The following CEP128 variants were observed in gnomAD, a reference collection of about 807,000 sequenced individuals.
The protein encoded by CEP128 is centrosomal protein 128.
In CEP128, 132 loss-of-function variants were observed where a neutral mutation model predicts 156.7. That is an observed-to-expected ratio of 0.84 (90% confidence interval 0.73 to 0.97). The LOEUF is 0.97. CEP128 is among the 50% of genes least tolerant of loss of function. The pLI, the probability that CEP128 is intolerant of heterozygous loss-of-function variation, is 0.00. For synonymous variants in CEP128, 469 were observed against 448.9 expected, an observed-to-expected ratio of 1.04 and a Z score of -0.57; for missense variants, 1,252 against 1,281.9, an observed-to-expected ratio of 0.98 and a Z score of 0.36.
intron 19 of CEP128, among the ~76,000 whole-genome samples, chr14:80,706,737 C>T (rs986082665): frequency 1.3e-5 from 2 of 152,096 alleles, no homozygotes; most frequent in Non-Finnish European, 2.9e-5. Flanking sequence ...TTCAGCACAA[C>T]CTTCTCCTCT....
At chr14:80,581,284 T>C (rs939849242) in intron 19 of CEP128, among the ~76,000 whole-genome samples, 1 of 152,186 alleles carries the variant, frequency 6.6e-6, no homozygotes, top group African/African-American at 2.4e-5. Flanking sequence ...AATATGAGTA[T>C]TTGCCTTACT....
chr14:80,615,311 G>C (rs1893163726), intron 19 of CEP128, among the ~76,000 whole-genome samples: 1 of 152,132 alleles, frequency 6.6e-6, no homozygotes, highest in African/African-American at 2.4e-5. Context: ...GAATGATAAG[G>C]GTCCACTATG....
chr14:80,535,500 G>C (rs144003975), intron 21 of CEP128, among the ~76,000 whole-genome samples: 9 of 152,312 alleles, frequency 5.9e-5, no homozygotes, highest in Admixed American at 5.9e-4. Flanking sequence ...TGGAAGAAAA[G>C]TTTTAAGATG....
At chr14:80,761,258 G>A (rs1016247568) in intron 17 of CEP128, among the ~76,000 whole-genome samples, 179 bp downstream of exon 17, 5 of 145,356 alleles carry the variant, frequency 3.4e-5, no homozygotes, top group African/African-American at 7.7e-5. Context: ...AACATCATTC[G>A]TTCTCTCACC....
chr14:80,872,595 T>C (rs1320670858), intron 8 of CEP128, among the ~76,000 whole-genome samples: 3 of 152,222 alleles, frequency 2.0e-5, no homozygotes, highest in Admixed American at 2.0e-4. Context: ...AGGGGCAGCA[T>C]TTATTTTCAC....
chr14:80,777,409 T>G (rs1640875497), intron 16 of CEP128, among the ~76,000 whole-genome samples: 1 of 152,210 alleles, frequency 6.6e-6, no homozygotes, highest in South Asian at 2.1e-4. Context: ...GCCAGCACCT[T>G]GATCTTGGAC....
chr14:80,678,624 C>G (rs550357362), intron 19 of CEP128, among the ~76,000 whole-genome samples: 1 of 152,300 alleles, frequency 6.6e-6, no homozygotes, highest in South Asian at 2.1e-4. Context: ...CAGCTGGTAA[C>G]AGTGAATGAA....
intron 19 of CEP128, among the ~76,000 whole-genome samples, chr14:80,639,630 T>C (rs999000896): frequency 3.9e-5 from 6 of 152,194 alleles, no homozygotes; most frequent in African/African-American, 1.4e-4. Context: ...ATAATTTGTC[T>C]AAAATTAACA....
intron 6 of CEP128, among the ~76,000 whole-genome samples, chr14:80,902,146 C>T (rs1044524088): frequency 6.6e-6 from 1 of 152,132 alleles, no homozygotes; most frequent in African/African-American, 2.4e-5. Flanking sequence ...TTTCCACTAT[C>T]GCATGCATCT....
At chr14:80,804,458 G>T (rs150127742) in intron 13 of CEP128, among the ~76,000 whole-genome samples, 1 of 152,148 alleles carries the variant, frequency 6.6e-6, no homozygotes, top group Non-Finnish European at 1.5e-5. Context: ...ATGATAGAAC[G>T]CCACTTGAAA....
chr14:80,853,997 A>C (rs542044381), intron 9 of CEP128, among the ~76,000 whole-genome samples: 1 of 151,904 alleles, frequency 6.6e-6, no homozygotes, highest in Non-Finnish European at 1.5e-5. Context: ...GGGGGGAAAG[A>C]GAGAAATCCC....
At chr14:80,729,107 G>GTGTGTC (rs2139512404) in intron 19 of CEP128, among the ~76,000 whole-genome samples, 1 of 72,870 alleles carries the variant, frequency 1.4e-5, no homozygotes, top group East Asian at 3.2e-4. Context: ...GTGTGTGTGT[G>GTGTGTC]TGTGTGTGTG....
chr14:80,598,534 G>A lies in CEP128; in HGVS notation c.2807-18111C>T, dbSNP rs1397465901. 3.3e-5 allele frequency among the ~76,000 whole-genome samples: 5 copies of A among 152,048 alleles called. No homozygotes were observed. The East Asian group carries it at 5.8e-4, about 18-fold the overall frequency. On this transcript the variant is annotated intron_variant, in intron 19 of 24. Transcript: ENST00000555265. ...ATTAGAAGACTCACATAGTAAAGAC[G>A]TCAGTTCTCTCCAAACTAATATGCA...
chr14:80,867,633 G>A (rs1408047432), intron 8 of CEP128, among the ~76,000 whole-genome samples: 1 of 151,430 alleles, frequency 6.6e-6, no homozygotes, highest in Non-Finnish European at 1.5e-5. Context: ...TGAGCTCAAA[G>A]ACAGGTCATT....
chr14:80,638,668 A>G (rs1323089642), intron 19 of CEP128, among the ~76,000 whole-genome samples: 2 of 152,212 alleles, frequency 1.3e-5, no homozygotes, highest in African/African-American at 4.8e-5. Flanking sequence ...GCGAATTCCA[A>G]CACGGTAGGG....
chr14:80,866,736 T>G (rs367809524), intron 8 of CEP128, among the ~76,000 whole-genome samples: 1 of 152,144 alleles, frequency 6.6e-6, no homozygotes, highest in Non-Finnish European at 1.5e-5. Flanking sequence ...CAGGGAAACA[T>G]GGTATCACTA....
At chr14:80,481,712 A>T (rs975611017) in intron 14 of CEP128, among the ~76,000 whole-genome samples, 2 of 152,356 alleles carry the variant, frequency 1.3e-5, no homozygotes, top group African/African-American at 4.8e-5. Flanking sequence ...ACAGTGACAG[A>T]CACAGCCAGG....
intron 19 of CEP128, among the ~76,000 whole-genome samples, chr14:80,601,519 G>A (rs1892581072): frequency 6.6e-6 from 1 of 152,082 alleles, no homozygotes; most frequent in Non-Finnish European, 1.5e-5. Flanking sequence ...AAGATGTCCT[G>A]GGCCACAGGT....
At chr14:80,621,882 CA>C (rs1462038713) in intron 19 of CEP128, among the ~76,000 whole-genome samples, 3 of 152,106 alleles carry the variant, frequency 2.0e-5, no homozygotes, top group Non-Finnish European at 4.4e-5. Flanking sequence ...AATTGCAAAA[CA>C]ATTCCTGTTA....
Sources: gnomAD v4.1 joint callset for allele counts (sites outside exome capture counted in the v4.1 genomes callset) on GRCh38, gnomAD v4.1.1 for gene constraint, MANE v1.5 for transcripts, NCBI Gene and HGNC (gene_info 2026-07-23, HGNC 2026-07-21) for gene names.